Variants in DIAPH2 observed in about 807,000 individuals in gnomAD.
The protein encoded by DIAPH2 is protein diaphanous homolog 2.
DIAPH2 carries 35 observed loss-of-function variants against 92.7 expected under a neutral mutation model. That is an observed-to-expected ratio of 0.38 (90% CI 0.29 to 0.50). The LOEUF is 0.50. DIAPH2 is among the 20% of genes least tolerant of loss of function. The pLI is 0.94. For synonymous variants in DIAPH2, 301 were observed against 280.4 expected (o/e 1.07, Z -0.73); for missense variants, 701 against 819.5 (o/e 0.86, Z 1.77).
In DIAPH2 at chrX:97,384,305, C is replaced by G. The variant is rs753877056; in HGVS notation, c.3145+261C>G. ...TTTTCTTGCCATAGTATATTATATT[C>G]TGGATGAGGCAGTGGGGAGGGAAAA... On this transcript the variant is annotated intron_variant, in intron 25 of 26. Transcript: ENST00000324765. Among the ~76,000 whole-genome samples, 49 of 111,305 alleles carry G rather than the reference C, an allele frequency of 4.4e-4. No individual in the cohort carries two copies. In the South Asian group the frequency reaches 6.5e-3, roughly 15 times the overall value.
At chrX:96,754,227 G>A (rs1043486875) in intron 3 of DIAPH2, among the ~76,000 whole-genome samples, 16 of 111,632 alleles carry the variant, frequency 1.4e-4, no homozygotes, top group African/African-American at 4.9e-4. Flanking sequence ...AGACTTCTCT[G>A]ACCTTTCCAT....
intron 23 of DIAPH2, among the ~76,000 whole-genome samples, chrX:97,250,289 T>G (rs1375901027): frequency 1.8e-5 from 2 of 111,672 alleles, no homozygotes; most frequent in Admixed American, 1.9e-4. Flanking sequence ...TAACTTTAGC[T>G]ACTTAAACAG....
At chrX:96,717,814 T>G (rs1356183268) in intron 1 of DIAPH2, among the ~76,000 whole-genome samples, 1 of 48,186 alleles carries the variant, frequency 2.1e-5, no homozygotes, top group African/African-American at 7.9e-5. Flanking sequence ...TGTGGGTATA[T>G]AGTATATATA....
At chrX:97,242,207 G>T (rs2068101316) in intron 22 of DIAPH2, among the ~76,000 whole-genome samples, 2 of 107,314 alleles carry the variant, frequency 1.9e-5, no homozygotes, top group South Asian at 3.9e-4. Context: ...AGATTTACTG[G>T]GCACTCCTTT....
intron 23 of DIAPH2, among the ~76,000 whole-genome samples, chrX:97,345,590 A>G (rs2069149673): frequency 1.8e-5 from 2 of 112,071 alleles, no homozygotes. Flanking sequence ...ACCACAAAAT[A>G]TTAATACTCT....
At chrX:97,239,834 A>ATCTCTCTCTCTCTCTCTC (rs370959933) in intron 22 of DIAPH2, among the ~76,000 whole-genome samples, 1 of 98,119 alleles carries the variant, frequency 1.0e-5, no homozygotes, top group Admixed American at 1.1e-4. Flanking sequence ...TCTAGTAAAA[A>ATCTCTCTCTCTCTCTCTC]TCTCTCTCTC....
intron 4 of DIAPH2, among the ~76,000 whole-genome samples, chrX:96,770,570 A>C (rs1237955769): frequency 8.9e-6 from 1 of 111,991 alleles, no homozygotes; most frequent in Non-Finnish European, 1.9e-5. Flanking sequence ...CGTGATGATA[A>C]AACATTGTGT....
At chrX:96,966,141 ATTTG>A (rs1382947949) in intron 17 of DIAPH2, among the ~76,000 whole-genome samples, 3 of 111,333 alleles carry the variant, frequency 2.7e-5, no homozygotes, top group African/African-American at 9.8e-5. Flanking sequence ...GTTGTGCTGT[ATTTG>A]TTGTTCTTTG....
chrX:96,697,966 T>C (rs2063834277), intron 1 of DIAPH2, among the ~76,000 whole-genome samples: 1 of 111,556 alleles, frequency 9.0e-6, no homozygotes, highest in African/African-American at 3.3e-5. Flanking sequence ...AAAAGTGATA[T>C]GGCTGTGGAT....
intron 23 of DIAPH2, among the ~76,000 whole-genome samples, chrX:97,340,032 G>C (rs2069099305): frequency 9.0e-6 from 1 of 111,697 alleles, no homozygotes; most frequent in Non-Finnish European, 1.9e-5. Flanking sequence ...CAGATGGGAA[G>C]AGGTCACTCT....
intron 4 of DIAPH2, among the ~76,000 whole-genome samples, chrX:96,810,319 T>C (rs2064667346): frequency 2.7e-5 from 3 of 112,496 alleles, no homozygotes; most frequent in African/African-American, 9.7e-5. Flanking sequence ...ATGTCTTCTT[T>C]TGAGAAGTGT....
At chrX:97,393,662 G>A (rs1318010754) in intron 25 of DIAPH2, among the ~76,000 whole-genome samples, 1 of 111,919 alleles carries the variant, frequency 8.9e-6, no homozygotes, top group African/African-American at 3.2e-5. Context: ...AATTAGTTCT[G>A]TAGGTAGAAG....
At chrX:97,509,597 T>C (rs1233043669) in intron 26 of DIAPH2, among the ~76,000 whole-genome samples, 3 of 103,747 alleles carry the variant, frequency 2.9e-5, no homozygotes, top group Non-Finnish European at 5.9e-5. Flanking sequence ...CATGCTGGTG[T>C]GCTGCACCCA....
chrX:97,540,473 T>G (rs988802599), intron 26 of DIAPH2, among the ~76,000 whole-genome samples: 9 of 112,221 alleles, frequency 8.0e-5, no homozygotes, highest in African/African-American at 2.3e-4. Context: ...ATTTGAATAG[T>G]TTTTAATTGA....
At chrX:97,228,542 T>A (rs1310074799) in intron 22 of DIAPH2, among the ~76,000 whole-genome samples, 1 of 111,783 alleles carries the variant, frequency 8.9e-6, no homozygotes, top group Non-Finnish European at 1.9e-5. Flanking sequence ...CTTTCTAAGA[T>A]CATACCCTTT....
chrX:97,085,452 C>T (rs1252705685), intron 19 of DIAPH2, among the ~76,000 whole-genome samples: 1 of 110,887 alleles, frequency 9.0e-6, no homozygotes, highest in Non-Finnish European at 1.9e-5. Context: ...TGAGATGGAG[C>T]CTCGTTTAGT....
rs61272505 is a variant in DIAPH2, at chrX:96,717,816, G to GTATATATA, written c.133-17906_133-17899dup. On this transcript the variant is annotated intron_variant, in intron 1 of 26. Transcript: ENST00000324765. The stretch of plus-strand genomic sequence containing the variant: ...GTTTTTTAATTTTTGTGGGTATATA[G>GTATATATA]TATATATATATATATATATATATAT... Among the ~76,000 whole-genome samples, 117 of 36,358 alleles carry GTATATATA rather than the reference G, an allele frequency of 3.2e-3. 4 individuals carry two copies. Among genetic ancestry groups the GTATATATA allele is most frequent in the Non-Finnish European group, 5.3e-3 (98 of 18,397 alleles). 31.6% of individuals were successfully genotyped at this position (36,358 alleles called of 115,157 possible). A position where few individuals can be genotyped will look rare whatever the true frequency, so the allele number is the denominator to read the frequency against.
At chrX:97,438,131 A>T (rs761071631) in intron 26 of DIAPH2, among the ~76,000 whole-genome samples, 1 of 106,594 alleles carries the variant, frequency 9.4e-6, no homozygotes, top group East Asian at 2.9e-4. Flanking sequence ...TAAAAAAAAA[A>T]AAAAAGAAAA....
intron 22 of DIAPH2, among the ~76,000 whole-genome samples, chrX:97,202,526 G>A (rs1269637447): frequency 2.7e-5 from 3 of 112,002 alleles, no homozygotes. Context: ...AGCAGGGATT[G>A]CAATCCTAGT....
Sources: gnomAD v4.1 joint callset for allele counts (sites outside exome capture counted in the v4.1 genomes callset) on GRCh38, gnomAD v4.1.1 for gene constraint, MANE v1.5 for transcripts, NCBI Gene and HGNC (gene_info 2026-07-23, HGNC 2026-07-21) for gene names.